DNAH17: variants seen among roughly 807,000 people sequenced by gnomAD.
DNAH17 encodes the protein axonemal beta dynein heavy chain 17.
DNAH17 carries 376 observed loss-of-function variants against 485.6 expected under a neutral mutation model. The observed-to-expected ratio is 0.77, with a 90% confidence interval of 0.71 to 0.84. DNAH17 has a LOEUF of 0.84. DNAH17 is among the 40% of genes least tolerant of loss of function. The pLI is 0.00. For missense variants in DNAH17, 6,370 were observed against 5,839.3 expected, an observed-to-expected ratio of 1.09 and a Z score of -2.96; for synonymous variants, 3,031 against 2,405.9, an observed-to-expected ratio of 1.26 and a Z score of -7.60.
Position 78,552,645 on chromosome 17 carries a change from C to G in DNAH17, c.2287+52G>C, listed in dbSNP as rs1366698797. 3.9e-6 allele frequency: 5 copies of G among 1,295,864 alleles called. No homozygotes were observed. In the Admixed American group the frequency reaches 6.7e-5, roughly 17 times the overall value. 80.3% of individuals were successfully genotyped at this position (1,295,864 alleles called of 1,614,324 possible). On this transcript the variant is annotated intron_variant, in intron 15 of 80. Transcript: ENST00000389840. ...GTGGTGTTTGAGGACAGATGCTGGGCAGGTTGGACTCCCAAGTTTAATCCA... is the reference window on the plus strand; with the variant it reads ...GTGGTGTTTGAGGACAGATGCTGGGGAGGTTGGACTCCCAAGTTTAATCCA...
At chr17:78,460,338 G>GTGTGTGCATC (rs758498577) in intron 58 of DNAH17, 81 bp from the exon 59 acceptor site, 1 of 910,936 alleles carries the variant, frequency 1.1e-6, no homozygotes, top group Non-Finnish European at 1.7e-6. Context: ...GTGTGTGCAT[G>GTGTGTGCATC]TGTGTGCATG....
At position 78,561,896 on chromosome 17, in the gene DNAH17, A is replaced by G. The variant is rs573335507; in HGVS notation, c.1654T>C (p.Phe552Leu). 1.0e-4 allele frequency: 162 copies of G among 1,613,816 alleles called. No homozygotes were observed. Among genetic ancestry groups the G allele is most frequent in the Admixed American group, 9.2e-4 (55 of 60,018 alleles). The part of the protein sequence containing the change: ...APRYSVMLEL[F>L]DAELDNAKIL... Reference sequence around the variant, plus strand: ...TTAGCATTGTCTAGCTCAGCGTCAAACAGCTCCAGCATGACTGAATACCTG... The same window carrying G: ...TTAGCATTGTCTAGCTCAGCGTCAAGCAGCTCCAGCATGACTGAATACCTG... Residue 552 changes from phenylalanine to leucine, a missense_variant, in exon 12 of 81, where the codon TTT (phenylalanine) becomes CTT (leucine). Coordinates refer to ENST00000389840, the MANE Select transcript of DNAH17 (RefSeq NM_173628.4).
At chr17:78,458,973 G>A (rs750849038) in intron 61 of DNAH17, 28 bp downstream of exon 61, 24 of 1,610,980 alleles carry the variant, frequency 1.5e-5, no homozygotes, top group Middle Eastern at 1.6e-4. Flanking sequence ...CTGGTGTTTC[G>A]CAGGGACGGG....
rs1296438911 is a variant in DNAH17 at position 78,561,885 on chromosome 17, C to A, written c.1665G>T (p.Glu555Asp). The A allele has an allele frequency of 6.2e-7, 1 of 1,613,966 alleles. No individual in the cohort carries two copies. Among genetic ancestry groups the A allele is most frequent in the Non-Finnish European group, 8.5e-7 (1 of 1,179,876 alleles). Reference sequence around the variant, plus strand: ...CGTACAAGATCTTAGCATTGTCTAGCTCAGCGTCAAACAGCTCCAGCATGA... The same window carrying A: ...CGTACAAGATCTTAGCATTGTCTAGATCAGCGTCAAACAGCTCCAGCATGA... Reference protein sequence around the residue: ...YSVMLELFDAELDNAKILYDA... With the variant: ...YSVMLELFDADLDNAKILYDA... The change falls in exon 12 of 81, where the codon GAG (glutamate) becomes GAT (aspartate). Residue 555 changes from glutamate to aspartate, a missense_variant. Transcript: ENST00000389840.
intron 74 of DNAH17, 117 bp downstream of exon 74, chr17:78,437,524 C>CA (rs2086887700): frequency 1.5e-6 from 1 of 687,114 alleles, no homozygotes; most frequent in Non-Finnish European, 2.4e-6. Flanking sequence ...AGGGGAAGCC[C>CA]AGAGGGGAGG....
In DNAH17 at chr17:78,444,667, G is replaced by A. The variant is rs1424247979; in HGVS notation, c.11465C>T (p.Thr3822Met). The part of the protein sequence containing the change: ...EIFPKEWKNK[T>M]ALQKLCMVRC... ...CACCATGCACAGCTTCTGCAGGGCC[G>A]TCTTGTTCTTCCACTCCTTGGGGAA... Residue 3822 changes from threonine to methionine, a missense_variant, in exon 71 of 81, where the codon ACG (threonine) becomes ATG (methionine). Coordinates refer to ENST00000389840, the MANE Select transcript of DNAH17 (RefSeq NM_173628.4). The A allele has an allele frequency of 2.0e-5, 32 of 1,609,618 alleles. No homozygotes were observed. Among genetic ancestry groups the A allele is most frequent in the Non-Finnish European group, 2.7e-5 (32 of 1,178,550 alleles).
chr17:78,429,057 A>C, intron 76 of DNAH17, 64 bp downstream of exon 76: 1 of 1,548,476 alleles, frequency 6.5e-7, no homozygotes, highest in Non-Finnish European at 8.8e-7. Flanking sequence ...TTGTGCTGGC[A>C]GGCTCTCACC....
chr17:78,565,497 T>A (rs990647461), intron 11 of DNAH17, among the ~76,000 whole-genome samples: 1 of 152,172 alleles, frequency 6.6e-6, no homozygotes, highest in African/African-American at 2.4e-5. Context: ...AGCCTTGAAA[T>A]CCTCCTGAAA....
chr17:78,559,262 AC>A (rs1429818669), intron 13 of DNAH17, among the ~76,000 whole-genome samples: 2 of 151,974 alleles, frequency 1.3e-5, no homozygotes, highest in Non-Finnish European at 2.9e-5. Flanking sequence ...TTCTGTATCC[AC>A]CCGCCTACTC....
chr17:78,574,854 G>A lies in DNAH17; in HGVS notation c.204C>T (p.Phe68=). ...CCCCTTTGGACTTGAGGGACTGGGG[G>A]AAGCCCAGGCAGGGTATGATCATGC... ...AAGMIIPCLG[F]PQSLKSKGVY... is the part of the protein sequence containing the mutation. The change falls in exon 2 of 81, where the codon TTC becomes TTT. Residue 68 remains phenylalanine (F), a synonymous_variant. Transcript: ENST00000389840. The A allele has an allele frequency of 6.2e-7, 1 of 1,614,036 alleles. No individual in the cohort carries two copies.
In DNAH17 at chr17:78,463,069, G is replaced by A. The variant is rs779227641; in HGVS notation, c.8949C>T (p.Val2983=). Residue 2983 remains valine (V), a synonymous_variant, in exon 57 of 81, where the codon GTC becomes GTT. Coordinates refer to ENST00000389840, the MANE Select transcript of DNAH17 (RefSeq NM_173628.4). The part of the protein sequence containing the change: ...LEETEGIPWE[V]KASISFFMSY... The stretch of plus-strand genomic sequence containing the variant: ...ACATGAAGAAGCTGATGGAGGCCTT[G>A]ACTTCCCACTACAAAGATGAGACAG... The A allele has an allele frequency of 1.2e-6, 2 of 1,613,736 alleles. No individual in the cohort carries two copies. Among genetic ancestry groups the A allele is most frequent in the South Asian group, 2.2e-5 (2 of 91,010 alleles).
chr17:78,484,822 A>C, intron 48 of DNAH17, 46 bp downstream of exon 48: 1 of 1,248,320 alleles, frequency 8.0e-7, no homozygotes, highest in Non-Finnish European at 1.0e-6. Flanking sequence ...CCCCGCCCTC[A>C]CCGCCCCGGG....
At position 78,479,527 on chromosome 17, in the gene DNAH17, C is replaced by A; in HGVS notation, c.7858G>T (p.Ala2620Ser). 6.2e-7 allele frequency: 1 copy of A among 1,613,456 alleles called. No homozygotes were observed. Among genetic ancestry groups the A allele is most frequent in the Non-Finnish European group, 8.5e-7 (1 of 1,179,874 alleles). ...QHLAFRSVSM[A>S]IQRISSQLVA... The stretch of plus-strand genomic sequence containing the variant: ...AGCTGGCTGCTTATCCTCTGGATAG[C>A]CATGGAGACCGAGCGGAAGGCCAGG... The change falls in exon 50 of 81, where the codon GCT (alanine) becomes TCT (serine). Residue 2620 changes from alanine (A) to serine (S), a missense_variant. Transcript: ENST00000389840.
At chr17:78,475,550 G>A in intron 53 of DNAH17, 81 bp from the exon 54 acceptor site, 1 of 1,602,730 alleles carries the variant, frequency 6.2e-7, no homozygotes, top group Non-Finnish European at 8.5e-7. Context: ...TGCACATGCT[G>A]AGGTGTGCAC....
intron 6 of DNAH17, among the ~76,000 whole-genome samples, chr17:78,570,589 G>C (rs1326347693): frequency 1.3e-5 from 2 of 152,168 alleles, no homozygotes; most frequent in Non-Finnish European, 2.9e-5. Flanking sequence ...GCCGGGCGTG[G>C]TGGCTCACGC....
At chr17:78,575,141 C>T in intron 1 of DNAH17, 59 bp from the exon 2 acceptor site, 2 of 1,095,970 alleles carry the variant, frequency 1.8e-6, no homozygotes, top group Non-Finnish European at 2.6e-6. Flanking sequence ...ATTTCCCACC[C>T]ATCCCTGGCA....
At chr17:78,508,826 TA>T (rs2090558703) in intron 27 of DNAH17, among the ~76,000 whole-genome samples, 1 of 152,084 alleles carries the variant, frequency 6.6e-6, no homozygotes, top group Non-Finnish European at 1.5e-5. Context: ...TAATTTTTTT[TA>T]GGGACAGGGT....
chr17:78,553,283 G>GGTTTTTTTTTTTTTTTTTTTTTT (rs2091944708), intron 14 of DNAH17, among the ~76,000 whole-genome samples: 1 of 51,018 alleles, frequency 2.0e-5, no homozygotes. Context: ...AGGTTTTTGT[G>GGTTTTTTTTTTTTTTTTTTTTTT]TTTTTTTTTT....
chr17:78,450,063 G>A (rs2087479482), intron 68 of DNAH17, 191 bp downstream of exon 68: 4 of 631,104 alleles, frequency 6.3e-6, no homozygotes, highest in Non-Finnish European at 8.3e-6. Context: ...CTCTCCTGGG[G>A]AGAATGGGTG....
Sources: gnomAD v4.1 joint callset for allele counts (sites outside exome capture counted in the v4.1 genomes callset) on GRCh38, gnomAD v4.1.1 for gene constraint, MANE v1.5 for transcripts, NCBI Gene and HGNC (gene_info 2026-07-23, HGNC 2026-07-21) for gene names.